The following NAALADL2 variants were observed in gnomAD, a reference collection of about 807,000 sequenced individuals.
NAALADL2 encodes the protein inactive N-acetylated-alpha-linked acidic dipeptidase-like protein 2.
Under a neutral mutation model 87.2 loss-of-function variants are expected in NAALADL2, and 76 were observed. The ratio of observed to expected loss-of-function variants is 0.87; its 90% confidence interval spans 0.72 to 1.05. The LOEUF is 1.05. NAALADL2 is among the 50% of genes least tolerant of loss of function. The pLI, the probability that NAALADL2 is intolerant of heterozygous loss-of-function variation, is 0.00. For missense variants in NAALADL2, 1,089 were observed against 945.8 expected (o/e 1.15, Z -1.99); for synonymous variants, 354 against 331.0 (o/e 1.07, Z -0.75).
intron 9 of NAALADL2, among the ~76,000 whole-genome samples, chr3:175,562,779 C>T (rs1180212481): frequency 2.2e-5 from 2 of 89,076 alleles, no homozygotes; most frequent in Non-Finnish European, 6.0e-5. Context: ...TTTACTCAGC[C>T]TAAACCCAAT....
chr3:174,523,337 A>G (rs1324972390), intron 1 of NAALADL2: 2 of 152,172 alleles, frequency 1.3e-5, no homozygotes, highest in Non-Finnish European at 2.9e-5. Flanking sequence ...AAAGAAAACA[A>G]TCTATATATG....
chr3:175,158,423 A>G (rs191197447), intron 2 of NAALADL2, among the ~76,000 whole-genome samples: 1 of 146,448 alleles, frequency 6.8e-6, no homozygotes, highest in Admixed American at 6.9e-5. Context: ...GGAACCCAAA[A>G]CTTGATGATA....
At chr3:174,521,221 C>G (rs1304738592) in intron 1 of NAALADL2, among the ~76,000 whole-genome samples, 18 of 152,150 alleles carry the variant, frequency 1.2e-4, no homozygotes, top group African/African-American at 2.4e-5. Flanking sequence ...TATTGCAACA[C>G]TATTCACGAT....
At chr3:174,606,253 A>G (rs928617121) in intron 2 of NAALADL2, among the ~76,000 whole-genome samples, 1 of 152,238 alleles carries the variant, frequency 6.6e-6, no homozygotes, top group African/African-American at 2.4e-5. Context: ...AACTTTAAAA[A>G]GCAGAGCGCC....
intron 2 of NAALADL2, among the ~76,000 whole-genome samples, chr3:174,575,843 A>G (rs1715470364): frequency 6.6e-6 from 1 of 152,106 alleles, no homozygotes; most frequent in Admixed American, 6.6e-5. Context: ...TGAGCCAGGC[A>G]TTGAGTATAT....
chr3:175,333,924 C>T (rs1025088671), intron 5 of NAALADL2, among the ~76,000 whole-genome samples: 3 of 152,072 alleles, frequency 2.0e-5, no homozygotes, highest in Non-Finnish European at 4.4e-5. Context: ...ATGCATGTAA[C>T]AAAATATCAC....
At chr3:174,625,057 C>CTCTT (rs748895219) in intron 2 of NAALADL2, among the ~76,000 whole-genome samples, 6 of 78,856 alleles carry the variant, frequency 7.6e-5, no homozygotes, top group African/African-American at 2.5e-4. Context: ...CTCTCTCTCT[C>CTCTT]TTTTTTTTTT....
chr3:174,772,893 A>T (rs1714755533), intron 3 of NAALADL2, among the ~76,000 whole-genome samples: 1 of 152,216 alleles, frequency 6.6e-6, no homozygotes, highest in Non-Finnish European at 1.5e-5. Context: ...TGTGCACTCT[A>T]GAGAGTAATT....
Position 175,283,035 on chromosome 3 carries a change from A to T in NAALADL2, c.939+26505A>T, listed in dbSNP as rs546448090. Among the ~76,000 whole-genome samples, 10 of 152,108 alleles carry T rather than the reference A, an allele frequency of 6.6e-5. No individual in the cohort carries two copies. In the South Asian group the frequency reaches 2.1e-3, roughly 32 times the overall value. On this transcript the variant is annotated intron_variant, in intron 4 of 13. Coordinates refer to ENST00000454872, the MANE Select transcript of NAALADL2 (RefSeq NM_207015.3). ...TAACAACAAGACTTTTAACTTTGAA[A>T]AAATCAGGACCATATAGTATTATAG...
chr3:175,114,594 G>A (rs1024744275), intron 2 of NAALADL2, among the ~76,000 whole-genome samples: 3 of 151,524 alleles, frequency 2.0e-5, no homozygotes, highest in African/African-American at 4.8e-5. Context: ...ATACTCTGAC[G>A]AGGCATTACT....
intron 12 of NAALADL2, among the ~76,000 whole-genome samples, chr3:175,742,541 G>T (rs1409859334): frequency 6.6e-6 from 1 of 151,954 alleles, no homozygotes; most frequent in Non-Finnish European, 1.5e-5. Context: ...GGGACTACAG[G>T]CGCCCACCAC....
chr3:175,068,898 T>C (rs1378745279), intron 1 of NAALADL2, among the ~76,000 whole-genome samples: 4 of 152,060 alleles, frequency 2.6e-5, no homozygotes, highest in Non-Finnish European at 5.9e-5. Flanking sequence ...AGATCAACCA[T>C]TAAGAAAATT....
chr3:175,404,925 G>A (rs1712037337), intron 5 of NAALADL2, among the ~76,000 whole-genome samples: 1 of 152,058 alleles, frequency 6.6e-6, no homozygotes, highest in Non-Finnish European at 1.5e-5. Flanking sequence ...TATGTTTCCA[G>A]GAAAATATTT....
At chr3:175,381,238 A>G (rs914623223) in intron 5 of NAALADL2, among the ~76,000 whole-genome samples, 1 of 151,562 alleles carries the variant, frequency 6.6e-6, no homozygotes, top group Non-Finnish European at 1.5e-5. Flanking sequence ...TAAATTCAAA[A>G]ACATTAATGT....
intron 2 of NAALADL2, among the ~76,000 whole-genome samples, chr3:175,158,922 C>T (rs1310979899): frequency 2.0e-5 from 3 of 151,968 alleles, no homozygotes; most frequent in Non-Finnish European, 4.4e-5. Flanking sequence ...AGAAAATTTA[C>T]TAAACTTTCA....
intron 1 of NAALADL2, among the ~76,000 whole-genome samples, chr3:174,918,242 CAA>C (rs1041161772): frequency 3.3e-5 from 5 of 151,394 alleles, no homozygotes; most frequent in Non-Finnish European, 7.4e-5. Flanking sequence ...CCTACAGAAA[CAA>C]AATAACACAC....
intron 2 of NAALADL2, among the ~76,000 whole-genome samples, chr3:174,586,822 A>G (rs1716774768): frequency 6.6e-6 from 1 of 152,130 alleles, no homozygotes; most frequent in Non-Finnish European, 1.5e-5. Context: ...AAAGGTATGC[A>G]ACTTTCAGAG....
intron 2 of NAALADL2, among the ~76,000 whole-genome samples, chr3:174,708,243 C>CA (rs1475301440): frequency 6.6e-6 from 1 of 152,128 alleles, no homozygotes; most frequent in African/African-American, 2.4e-5. Flanking sequence ...ATGGAAGAGA[C>CA]AAAATGGGCA....
chr3:175,548,160 A>C (rs1274900619), intron 9 of NAALADL2, among the ~76,000 whole-genome samples: 1 of 152,056 alleles, frequency 6.6e-6, no homozygotes, highest in Non-Finnish European at 1.5e-5. Context: ...CTAAATGCTC[A>C]ACAATGAGAG....
Sources: allele counts gnomAD v4.1 joint callset (sites outside exome capture counted in the v4.1 genomes callset), GRCh38; gene constraint gnomAD v4.1.1; transcripts MANE v1.5; gene names NCBI Gene and HGNC (gene_info 2026-07-23, HGNC 2026-07-21).